The following TMEM132C variants were observed in gnomAD, a reference collection of about 807,000 sequenced individuals.
TMEM132C encodes the protein protein phosphatase 1, regulatory subunit 152.
In TMEM132C, 29 loss-of-function variants were observed where a neutral mutation model predicts 61.4. The observed-to-expected ratio is 0.47, with a 90% CI of 0.35 to 0.64. TMEM132C has a LOEUF of 0.64. Ranked by LOEUF, TMEM132C falls within the 30% of genes least tolerant of loss-of-function variation. The pLI, the probability that TMEM132C is intolerant of heterozygous loss-of-function variation, is 0.00. For synonymous variants in TMEM132C, 656 were observed against 633.1 expected (o/e 1.04, Z -0.54); for missense variants, 1,408 against 1,476.9 (o/e 0.95, Z 0.76).
At chr12:128,321,141 T>A (rs7959859) in intron 1 of TMEM132C, among the ~76,000 whole-genome samples, 25,055 of 74,634 alleles carry the variant, frequency 0.34, 2,562 homozygotes, top group Non-Finnish European at 0.38. Flanking sequence ...TTTTGAAAAA[T>A]AATAATAATA....
intron 1 of TMEM132C, among the ~76,000 whole-genome samples, chr12:128,313,240 G>A (rs1872035121): frequency 6.6e-6 from 1 of 152,184 alleles, no homozygotes; most frequent in Non-Finnish European, 1.5e-5. Context: ...TTTAATCTCT[G>A]CTGTCTATCT....
chr12:128,681,225 A>ACC (rs1954631831), intron 5 of TMEM132C, among the ~76,000 whole-genome samples: 1 of 151,884 alleles, frequency 6.6e-6, no homozygotes, highest in East Asian at 1.9e-4. Context: ...AGTGATCTGC[A>ACC]CACCTTGGCC....
At position 128,612,635 on chromosome 12, in the gene TMEM132C, G is replaced by A. The variant is rs149477731; in HGVS notation, c.1122-3517G>A. Among the ~76,000 whole-genome samples, 441 of 152,316 alleles carry A rather than the reference G, an allele frequency of 2.9e-3. 4 individuals are homozygous for A. Among genetic ancestry groups the A allele is most frequent in the Non-Finnish European group, 5.0e-3 (343 of 68,022 alleles). ...ATCACCACCTCAGGGTTTGGATTGG[G>A]ATTTGGAATAAGGTCTGCGTGGAAC... On this transcript the variant is annotated intron_variant, in intron 3 of 8. Transcript: ENST00000435159.
intron 2 of TMEM132C, among the ~76,000 whole-genome samples, chr12:128,452,125 A>G (rs987123167): frequency 1.3e-5 from 2 of 151,944 alleles, no homozygotes; most frequent in African/African-American, 4.8e-5. Flanking sequence ...GGTCTCTCTC[A>G]CTCTGTCACC....
At chr12:128,301,782 GA>G (rs1261539587) in intron 1 of TMEM132C, among the ~76,000 whole-genome samples, 2 of 152,170 alleles carry the variant, frequency 1.3e-5, no homozygotes, top group Non-Finnish European at 2.9e-5. Context: ...TCACGCTGCT[GA>G]TAAAGACATA....
rs553860050 is a variant in TMEM132C, at chr12:128,598,233, A to G, written c.1122-17919A>G. ...GGAGTTAGAGACCAGCCTGGCCAAC[A>G]TGGCGGAACCCCAACTCTACTAAAA... On this transcript the variant is annotated intron_variant, in intron 3 of 8. Transcript: ENST00000435159. Among the ~76,000 whole-genome samples, 11 of 152,318 alleles carry G rather than the reference A, an allele frequency of 7.2e-5. No homozygotes were observed. The South Asian group carries it at 2.3e-3, about 32-fold the overall frequency.
intron 1 of TMEM132C, among the ~76,000 whole-genome samples, chr12:128,337,598 T>C (rs1872822219): frequency 6.6e-6 from 1 of 152,218 alleles, no homozygotes; most frequent in Non-Finnish European, 1.5e-5. Context: ...ACCTCCAAAC[T>C]GCCCAGGACC....
chr12:128,654,249 G>A (rs2135613845), intron 4 of TMEM132C, among the ~76,000 whole-genome samples: 1 of 152,224 alleles, frequency 6.6e-6, no homozygotes, highest in South Asian at 2.1e-4. Flanking sequence ...TTTGGATAGA[G>A]CCACGGGGAG....
intron 1 of TMEM132C, among the ~76,000 whole-genome samples, chr12:128,273,198 G>C (rs1870577975): frequency 6.6e-6 from 1 of 151,990 alleles, no homozygotes; most frequent in Non-Finnish European, 1.5e-5. Flanking sequence ...TTTTATTTTA[G>C]CTCTGACAGC....
intron 1 of TMEM132C, among the ~76,000 whole-genome samples, chr12:128,381,837 T>C (rs1308403972): frequency 6.6e-6 from 1 of 152,224 alleles, no homozygotes; most frequent in Non-Finnish European, 1.5e-5. Context: ...CTTCCCTTGC[T>C]TTTTGTCAGC....
intron 1 of TMEM132C, among the ~76,000 whole-genome samples, chr12:128,383,470 A>G (rs945444907): frequency 3.9e-5 from 6 of 152,152 alleles, no homozygotes; most frequent in African/African-American, 1.4e-4. Context: ...GCCGTTTCCC[A>G]TGGTGCTCAG....
chr12:128,498,971 A>G (rs1053467814), intron 2 of TMEM132C, among the ~76,000 whole-genome samples: 6 of 152,190 alleles, frequency 3.9e-5, no homozygotes, highest in African/African-American at 1.2e-4. Context: ...GTGATCACCA[A>G]TTCAATGCAA....
At chr12:128,299,310 G>A (rs557145943) in intron 1 of TMEM132C, among the ~76,000 whole-genome samples, 26 of 152,244 alleles carry the variant, frequency 1.7e-4, no homozygotes, top group Admixed American at 5.2e-4. Flanking sequence ...CCATGTTTGA[G>A]TCAACCACAA....
chr12:128,632,591 T>A (rs1954072649), intron 4 of TMEM132C, among the ~76,000 whole-genome samples: 1 of 152,200 alleles, frequency 6.6e-6, no homozygotes, highest in Non-Finnish European at 1.5e-5. Flanking sequence ...GAGTAATTTT[T>A]TTCCGACTAC....
chr12:128,689,342 A>G (rs886181890), intron 5 of TMEM132C, among the ~76,000 whole-genome samples: 14 of 152,222 alleles, frequency 9.2e-5, no homozygotes, highest in Non-Finnish European at 1.6e-4. Context: ...ACAATATGCT[A>G]TTATTAACTA....
intron 1 of TMEM132C, among the ~76,000 whole-genome samples, chr12:128,342,688 C>T (rs1873014677): frequency 6.6e-6 from 1 of 152,228 alleles, no homozygotes; most frequent in Non-Finnish European, 1.5e-5. Flanking sequence ...GTTTTCTTTT[C>T]ATCCTGCTTT....
chr12:128,577,222 T>C (rs1266966573), intron 3 of TMEM132C, among the ~76,000 whole-genome samples: 1 of 152,228 alleles, frequency 6.6e-6, no homozygotes, highest in Non-Finnish European at 1.5e-5. Flanking sequence ...GCATCATGTT[T>C]TCATGGTTTA....
At chr12:128,541,045 C>CTCTCTG (rs1250363805) in intron 2 of TMEM132C, among the ~76,000 whole-genome samples, 6 of 151,878 alleles carry the variant, frequency 4.0e-5, no homozygotes, top group Non-Finnish European at 7.4e-5. Flanking sequence ...CTCTCTCTCT[C>CTCTCTG]TGTGTGTCTG....
At chr12:128,381,181 G>C (rs998461793) in intron 1 of TMEM132C, among the ~76,000 whole-genome samples, 1 of 152,214 alleles carries the variant, frequency 6.6e-6, no homozygotes, top group Non-Finnish European at 1.5e-5. Context: ...CCTCAGGTAG[G>C]AACGTGCTTT....
Sources: gnomAD v4.1 joint callset for allele counts (sites outside exome capture counted in the v4.1 genomes callset) on GRCh38, gnomAD v4.1.1 for gene constraint, MANE v1.5 for transcripts, NCBI Gene and HGNC (gene_info 2026-07-23, HGNC 2026-07-21) for gene names.